The following NAALADL2 variants were observed in gnomAD, a reference collection of about 807,000 sequenced individuals.
The protein encoded by NAALADL2 is N-acetylated alpha-linked acidic dipeptidase like 2.
In NAALADL2, 76 loss-of-function variants were observed where a neutral mutation model predicts 87.2. The ratio of observed to expected loss-of-function variants is 0.87; its 90% CI spans 0.72 to 1.05. NAALADL2 has a LOEUF of 1.05. Ranked by LOEUF, NAALADL2 falls within the 50% of genes least tolerant of loss-of-function variation. NAALADL2 has a pLI of 0.00. For missense variants in NAALADL2, 1,089 were observed against 945.8 expected (o/e 1.15, Z -1.99); for synonymous variants, 354 against 331.0 (o/e 1.07, Z -0.75).
upstream of NAALADL2, among the ~76,000 whole-genome samples, chr3:174,858,591 C>T (rs142358128): frequency 2.0e-5 from 3 of 151,962 alleles, no homozygotes; most frequent in Non-Finnish European, 2.9e-5. Context: ...TAATAAGTTG[C>T]ATAACTGATG....
chr3:174,672,073 A>G (rs1252393036), intron 2 of NAALADL2, among the ~76,000 whole-genome samples: 1 of 152,008 alleles, frequency 6.6e-6, no homozygotes, highest in Non-Finnish European at 1.5e-5. Flanking sequence ...AGAATATTCT[A>G]AATATCCTTA....
At chr3:175,793,056 G>A (rs187271756) in intron 13 of NAALADL2, among the ~76,000 whole-genome samples, 4 of 152,128 alleles carry the variant, frequency 2.6e-5, no homozygotes, top group Non-Finnish European at 5.9e-5. Flanking sequence ...GAAATAATCT[G>A]GTGAAAGAAT....
intron 9 of NAALADL2, among the ~76,000 whole-genome samples, chr3:175,540,561 T>C (rs1194559366): frequency 6.6e-6 from 1 of 152,064 alleles, no homozygotes; most frequent in Non-Finnish European, 1.5e-5. Context: ...AGGTCATTGG[T>C]TGCTGGGTGA....
At chr3:174,913,955 T>C (rs1344576939) in intron 1 of NAALADL2, among the ~76,000 whole-genome samples, 1 of 152,106 alleles carries the variant, frequency 6.6e-6, no homozygotes, top group East Asian at 1.9e-4. Context: ...AACAAAATTC[T>C]AGAATTAGTT....
intron 13 of NAALADL2, among the ~76,000 whole-genome samples, chr3:175,793,348 G>T (rs1209920106): frequency 7.4e-6 from 1 of 135,666 alleles, no homozygotes. Flanking sequence ...TCTCTCTGTC[G>T]CCTGGGCTGG....
intron 3 of NAALADL2, among the ~76,000 whole-genome samples, chr3:175,255,008 T>G (rs1251231127): frequency 6.6e-6 from 1 of 152,118 alleles, no homozygotes; most frequent in Non-Finnish European, 1.5e-5. Context: ...TGGGCGAGTA[T>G]GGGTATGTAA....
At chr3:175,300,755 TTTTA>T (rs548300066) in intron 4 of NAALADL2, among the ~76,000 whole-genome samples, 5,465 of 146,286 alleles carry the variant, frequency 0.037, 240 homozygotes, top group African/African-American at 0.1. Context: ...ATTTATTTAT[TTTTA>T]TTTATTTATT....
intron 11 of NAALADL2, among the ~76,000 whole-genome samples, chr3:175,677,050 G>A (rs1320407024): frequency 1.3e-5 from 2 of 151,878 alleles, no homozygotes; most frequent in Non-Finnish European, 2.9e-5. Context: ...ATACTTGAAG[G>A]GGCCTGTCTG....
intron 2 of NAALADL2, among the ~76,000 whole-genome samples, chr3:175,216,218 G>A (rs183960396): frequency 1.8e-3 from 271 of 152,152 alleles, no homozygotes; most frequent in Non-Finnish European, 3.1e-3. Flanking sequence ...TATGTACCGT[G>A]ATTCCCCCTT....
At chr3:174,957,138 G>A (rs1301820883) in intron 1 of NAALADL2, among the ~76,000 whole-genome samples, 1 of 151,834 alleles carries the variant, frequency 6.6e-6, no homozygotes, top group Non-Finnish European at 1.5e-5. Context: ...AACAAAAGGC[G>A]ACAAGCATCT....
At chr3:175,740,830 T>C (rs553834800) in intron 12 of NAALADL2, among the ~76,000 whole-genome samples, 115 of 152,320 alleles carry the variant, frequency 7.5e-4, no homozygotes, top group African/African-American at 2.5e-3. Context: ...AAACTTGCTT[T>C]TGATTTGCAC....
intron 2 of NAALADL2, among the ~76,000 whole-genome samples, chr3:175,103,140 C>T (rs1237036630): frequency 2.7e-5 from 4 of 149,616 alleles, no homozygotes; most frequent in South Asian, 4.2e-4. Flanking sequence ...TTATCTTCAA[C>T]AATACCATGA....
chr3:175,759,039 G>C (rs1747641455), intron 13 of NAALADL2, among the ~76,000 whole-genome samples: 1 of 151,946 alleles, frequency 6.6e-6, no homozygotes, highest in Non-Finnish European at 1.5e-5. Flanking sequence ...TATTATTTTT[G>C]GAATACGTAG....
intron 1 of NAALADL2, among the ~76,000 whole-genome samples, chr3:175,036,538 T>C (rs1414751308): frequency 6.6e-6 from 1 of 152,008 alleles, no homozygotes; most frequent in Non-Finnish European, 1.5e-5. Flanking sequence ...TAGCTGGGAC[T>C]ACAGGCACCT....
At chr3:175,234,727 G>GTTTT (rs10646382) in intron 3 of NAALADL2, 10 of 149,690 alleles carry the variant, frequency 6.7e-5, no homozygotes, top group South Asian at 2.1e-4. Flanking sequence ...TTATGATGCA[G>GTTTT]TTTTTTTTTT....
chr3:175,660,701 C>T (rs1732132705), intron 11 of NAALADL2, among the ~76,000 whole-genome samples: 1 of 152,048 alleles, frequency 6.6e-6, no homozygotes, highest in South Asian at 2.1e-4. Context: ...CCATCCTATG[C>T]TCTACCTCTG....
intron 5 of NAALADL2, among the ~76,000 whole-genome samples, chr3:175,359,984 AC>A (rs1332375898): frequency 6.6e-6 from 1 of 152,102 alleles, no homozygotes; most frequent in African/African-American, 2.4e-5. Context: ...GTTTTCAATT[AC>A]CATTTTATAA....
intron 2 of NAALADL2, among the ~76,000 whole-genome samples, chr3:174,584,264 C>T (rs1255721728): frequency 6.6e-6 from 1 of 151,974 alleles, no homozygotes; most frequent in Non-Finnish European, 1.5e-5. Context: ...AAACGTATGT[C>T]GAAGTGAAAC....
chr3:175,576,995 A>G lies in NAALADL2; in HGVS notation c.1800+808A>G, dbSNP rs144625640. ...TATGTTTGTATAGGCTCAACTTTAG[A>G]TATGCAATATCTTAATTTTTAATAG... On this transcript the variant is annotated intron_variant, in intron 10 of 13. Transcript: ENST00000454872. 1.6e-4 allele frequency among the ~76,000 whole-genome samples: 25 copies of G among 152,280 alleles called. No individual in the cohort carries two copies. In the East Asian group the frequency reaches 4.8e-3, roughly 29 times the overall value.
Sources: allele counts gnomAD v4.1 joint callset (sites outside exome capture counted in the v4.1 genomes callset), GRCh38; gene constraint gnomAD v4.1.1; transcripts MANE v1.5; gene names NCBI Gene and HGNC (gene_info 2026-07-23, HGNC 2026-07-21).